The following PIK3C2A variants were observed in gnomAD, a reference collection of about 807,000 sequenced individuals.
PIK3C2A encodes the protein phosphatidylinositol 4-phosphate 3-kinase C2 domain-containing subunit alpha.
Under a neutral mutation model 204.5 loss-of-function variants are expected in PIK3C2A, and 97 were observed. The ratio of observed to expected loss-of-function variants is 0.47; its 90% CI spans 0.40 to 0.56. PIK3C2A has a LOEUF of 0.56. Ranked by LOEUF, PIK3C2A falls within the 20% of genes least tolerant of loss-of-function variation. PIK3C2A has a pLI of 0.00. For missense variants in PIK3C2A, 1,735 were observed against 1,969.2 expected (o/e 0.88, Z 2.25); for synonymous variants, 653 against 664.4 (o/e 0.98, Z 0.26).
chr11:17,100,054 C>A, intron 25 of PIK3C2A, 85 bp from the exon 26 acceptor site: 1 of 703,514 alleles, frequency 1.4e-6, no homozygotes, highest in South Asian at 1.7e-5. Flanking sequence ...CTCAAGTAAT[C>A]AGAACTAAAG....
chr11:17,168,910 T>C lies in PIK3C2A; in HGVS notation c.832A>G (p.Lys278Glu), dbSNP rs1425915202. 1 of 1,613,976 alleles carries C rather than the reference T, an allele frequency of 6.2e-7. No individual in the cohort carries two copies. The highest frequency in any genetic ancestry group is 1.7e-5 in the Admixed American group (1 of 60,026). Residue 278 changes from lysine (K) to glutamate (E), a missense_variant, in exon 2 of 33, where the codon AAG becomes GAG. Around this residue, in one of 6 missense-constraint regions of PIK3C2A, gnomAD observed 536 missense variants for 546.7 expected, o/e 0.98. Coordinates refer to ENST00000691414, the MANE Select transcript of PIK3C2A (RefSeq NM_002645.4). ...ACCTCCACATTATCCACCTTAGGCT[T>C]ACTTAGAGGATCCAAGTCTAACCAG... The part of the protein sequence containing the change: ...FDWLDLDPLS[K>E]PKVDNVEVLD...
intron 1 of PIK3C2A, among the ~76,000 whole-genome samples, chr11:17,193,040 C>G (rs1268782001): frequency 6.6e-6 from 1 of 152,078 alleles, no homozygotes; most frequent in African/African-American, 2.4e-5. Context: ...GGAATGGGCT[C>G]CTGATTAAAA....
At chr11:17,135,677 ATGTGTGTGTGTG>A (rs35017690) in intron 9 of PIK3C2A, among the ~76,000 whole-genome samples, 236 of 147,488 alleles carry the variant, frequency 1.6e-3, no homozygotes, top group Middle Eastern at 6.8e-3. Context: ...AATTTCATAT[ATGTGTGTGTGTG>A]TGTGTGTGTG....
intron 1 of PIK3C2A, among the ~76,000 whole-genome samples, chr11:17,170,908 C>T (rs1250509418): frequency 6.6e-6 from 1 of 151,944 alleles, no homozygotes; most frequent in Non-Finnish European, 1.5e-5. Flanking sequence ...TCGAGACCAT[C>T]CTGGCTAACA....
intron 1 of PIK3C2A, among the ~76,000 whole-genome samples, chr11:17,202,349 G>C (rs940177872): frequency 1.1e-4 from 16 of 151,462 alleles, no homozygotes; most frequent in Admixed American, 9.2e-4. Flanking sequence ...CGCTTTAGGA[G>C]GCCAAGGTGG....
intron 1 of PIK3C2A, among the ~76,000 whole-genome samples, chr11:17,195,758 A>C (rs1852130498): frequency 7.8e-6 from 1 of 128,958 alleles, no homozygotes. Context: ...AAAAAAAAGG[A>C]GCCCCGCGCG....
chr11:17,120,984 C>A (rs1849350011), intron 15 of PIK3C2A, among the ~76,000 whole-genome samples: 1 of 152,080 alleles, frequency 6.6e-6, no homozygotes, highest in Non-Finnish European at 1.5e-5. Context: ...TCCCAAAGTG[C>A]TGAGATTACA....
intron 12 of PIK3C2A, among the ~76,000 whole-genome samples, chr11:17,129,697 T>C (rs1266383791): frequency 2.0e-5 from 3 of 152,212 alleles, no homozygotes; most frequent in Non-Finnish European, 4.4e-5. Context: ...GTTCAAGTGA[T>C]TCTCCTGCCT....
At chr11:17,143,631 A>G (rs935643559) in intron 8 of PIK3C2A, among the ~76,000 whole-genome samples, 1 of 152,140 alleles carries the variant, frequency 6.6e-6, no homozygotes, top group South Asian at 2.1e-4. Context: ...GTTAAAAAAA[A>G]AAAAAACAAA....
At chr11:17,192,316 CTTAAT>C (rs1851974306) in intron 1 of PIK3C2A, among the ~76,000 whole-genome samples, 1 of 152,108 alleles carries the variant, frequency 6.6e-6, no homozygotes, top group South Asian at 2.1e-4. Flanking sequence ...GAACAGGAGA[CTTAAT>C]TTAACAAGCT....
At chr11:17,118,227 A>G (rs1032295628) in intron 18 of PIK3C2A, among the ~76,000 whole-genome samples, 30 of 151,794 alleles carry the variant, frequency 2.0e-4, no homozygotes, top group Non-Finnish European at 1.5e-5. Context: ...ACATGCCACC[A>G]TGTTCGGCTA....
Position 17,117,544 on chromosome 11 carries a change from G to A in PIK3C2A, c.3163C>T (p.Leu1055Phe). Residue 1055 changes from leucine to phenylalanine, a missense_variant, in exon 19 of 33, where the codon CTT (leucine) becomes TTT (phenylalanine). Around this residue, in one of 6 missense-constraint regions of PIK3C2A, gnomAD observed 567 missense variants for 576.0 expected, o/e 0.98. Transcript: ENST00000691414. ...ACTTTTTCTGCTACTCCTCCTAAAA[G>A]CTGTACAAGTTTCGTCTGTTTTAGA... Reference protein sequence around the residue: ...ELLKQTKLVQLLGGVAEKVRQ... With the variant: ...ELLKQTKLVQFLGGVAEKVRQ... 6 of 1,613,746 alleles carry A rather than the reference G, an allele frequency of 3.7e-6. No individual in the cohort carries two copies. Among genetic ancestry groups the A allele is most frequent in the Non-Finnish European group, 5.1e-6 (6 of 1,179,814 alleles).
chr11:17,126,626 A>T (rs1434143195), intron 13 of PIK3C2A, among the ~76,000 whole-genome samples: 2 of 152,164 alleles, frequency 1.3e-5, no homozygotes, highest in African/African-American at 4.8e-5. Flanking sequence ...ACAAAGTGTA[A>T]TAATAATAAT....
chr11:17,135,487 T>C (rs1849840281), intron 9 of PIK3C2A, among the ~76,000 whole-genome samples: 1 of 152,108 alleles, frequency 6.6e-6, no homozygotes, highest in Non-Finnish European at 1.5e-5. Flanking sequence ...AAGAATATCC[T>C]TAAAGAAAAA....
At chr11:17,128,876 G>T (rs1161748906) in intron 13 of PIK3C2A, among the ~76,000 whole-genome samples, 1 of 152,080 alleles carries the variant, frequency 6.6e-6, no homozygotes, top group Non-Finnish European at 1.5e-5. Context: ...TTAGTAAAGA[G>T]AATTAAGGAA....
intron 3 of PIK3C2A, among the ~76,000 whole-genome samples, chr11:17,152,087 G>C (rs574208306): frequency 6.6e-6 from 1 of 152,214 alleles, no homozygotes; most frequent in South Asian, 2.1e-4. Flanking sequence ...ATAAAACTTA[G>C]CTTGGTTTGA....
chr11:17,189,330 A>G, intron 1 of PIK3C2A, among the ~76,000 whole-genome samples: 1 of 146,630 alleles, frequency 6.8e-6, no homozygotes. Flanking sequence ...TGTCTGGTAT[A>G]CATGCCAGGT....
chr11:17,206,614 C>A (rs1852585158), intron 1 of PIK3C2A, among the ~76,000 whole-genome samples: 1 of 151,794 alleles, frequency 6.6e-6, no homozygotes, highest in Non-Finnish European at 1.5e-5. Flanking sequence ...AGCACCAACC[C>A]CAACTATGGC....
At chr11:17,160,914 T>C (rs1850753407) in intron 2 of PIK3C2A, among the ~76,000 whole-genome samples, 1 of 152,030 alleles carries the variant, frequency 6.6e-6, no homozygotes, top group Admixed American at 6.6e-5. Flanking sequence ...ACAGTTAAGT[T>C]TTGGAAAAGG....
Sources: allele counts gnomAD v4.1 joint callset (sites outside exome capture counted in the v4.1 genomes callset), GRCh38; gene constraint gnomAD v4.1.1; regional missense constraint gnomAD v4.1.1; transcripts MANE v1.5; gene names NCBI Gene and HGNC (gene_info 2026-07-23, HGNC 2026-07-21).